Variants in PKHD1 observed in about 807,000 individuals in gnomAD.
PKHD1 encodes PKHD1 ciliary IPT domain containing fibrocystin/polyductin, also known as fibrocystin.
In PKHD1, 291 loss-of-function variants were observed where a neutral mutation model predicts 412.0. That is an observed-to-expected ratio of 0.71 (90% confidence interval 0.64 to 0.78). The LOEUF (loss-of-function observed/expected upper bound fraction) is 0.78. Among genes scored for constraint, PKHD1 ranks in the 30% least tolerant of loss-of-function variants. PKHD1 has a pLI of 0.00. For synonymous variants in PKHD1, 1,777 were observed against 1,821.5 expected (o/e 0.98, Z 0.62); for missense variants, 4,825 against 4,950.7 (o/e 0.97, Z 0.76).
At chr6:52,059,143 T>G (rs1808267619) in intron 15 of PKHD1, among the ~76,000 whole-genome samples, 1 of 152,110 alleles carries the variant, frequency 6.6e-6, no homozygotes, top group Non-Finnish European at 1.5e-5. Context: ...CACCCAAAAT[T>G]AGTGGAAAAG....
At chr6:51,834,517 T>G (rs1768843423) in intron 51 of PKHD1, among the ~76,000 whole-genome samples, 2 of 152,172 alleles carry the variant, frequency 1.3e-5, no homozygotes, top group African/African-American at 4.8e-5. Context: ...ATGGAATGAA[T>G]GAGTTAACAC....
chr6:51,965,565 C>A (rs771610843), intron 35 of PKHD1, among the ~76,000 whole-genome samples: 1 of 151,822 alleles, frequency 6.6e-6, no homozygotes, highest in African/African-American at 2.4e-5. Context: ...TAAGTGATCA[C>A]TTTCTTTTCT....
intron 61 of PKHD1, among the ~76,000 whole-genome samples, chr6:51,658,125 T>G (rs555241677): frequency 1.3e-5 from 2 of 152,094 alleles, no homozygotes; most frequent in African/African-American, 4.8e-5. Flanking sequence ...GTCACTAACA[T>G]GGTGAAGGTT....
intron 52 of PKHD1, among the ~76,000 whole-genome samples, chr6:51,808,218 G>A (rs770505254): frequency 4.6e-5 from 7 of 152,042 alleles, no homozygotes; most frequent in Non-Finnish European, 1.0e-4. Context: ...TATACAAAGG[G>A]AGTGAATAAA....
chr6:51,913,231 T>A (rs1476010809), intron 37 of PKHD1, among the ~76,000 whole-genome samples: 1 of 152,050 alleles, frequency 6.6e-6, no homozygotes, highest in Admixed American at 6.6e-5. Context: ...AAACAAAAAT[T>A]ATCTCTTAGA....
Position 51,980,949 on chromosome 6 carries a change from C to A in PKHD1, c.5752-20923G>T, listed in dbSNP as rs1795061477. On this transcript the variant is annotated intron_variant, in intron 35 of 66. Coordinates refer to ENST00000371117, the MANE Select transcript of PKHD1 (RefSeq NM_138694.4). ...ATGGTAGAATGTTTACAATTAACAG[C>A]CTTTAGTAGCATAGCAATATTTGTC... 2.6e-5 allele frequency among the ~76,000 whole-genome samples: 4 copies of A among 152,252 alleles called. No homozygotes were observed. The South Asian group carries it at 8.3e-4, about 32-fold the overall frequency.
intron 60 of PKHD1, among the ~76,000 whole-genome samples, chr6:51,727,872 A>C (rs1209120821): frequency 2.0e-5 from 3 of 152,172 alleles, no homozygotes; most frequent in Non-Finnish European, 4.4e-5. Context: ...GCAATGTGAT[A>C]ATTGCCAAAC....
At chr6:51,844,271 T>C (rs932826686) in intron 50 of PKHD1, among the ~76,000 whole-genome samples, 2 of 152,036 alleles carry the variant, frequency 1.3e-5, no homozygotes, top group Non-Finnish European at 2.9e-5. Context: ...CCAGGTAAAA[T>C]AACCAGCCAG....
Position 51,748,129 on chromosome 6 carries a change from T to A in PKHD1, c.9487A>T (p.Asn3163Tyr), listed in dbSNP as rs370327201. The change falls in exon 58 of 67, where the codon AAC becomes TAC. Residue 3163 changes from asparagine (N) to tyrosine (Y), a missense_variant. Coordinates refer to ENST00000371117, the MANE Select transcript of PKHD1 (RefSeq NM_138694.4). ...FDYGAMLHVE[N>Y]SVEIENITLV... ...GTAATGTTCTCTATCTCCACGCTGT[T>A]CTCTACATGTAACATGGCACCATAG... 8.7e-6 allele frequency: 14 copies of A among 1,613,926 alleles called. No homozygotes were observed. Among genetic ancestry groups the A allele is most frequent in the African/African-American group, 1.3e-5 (1 of 74,908 alleles).
At chr6:52,021,076 A>G (rs948640366) in intron 33 of PKHD1, among the ~76,000 whole-genome samples, 1 of 152,242 alleles carries the variant, frequency 6.6e-6, no homozygotes, top group African/African-American at 2.4e-5. Flanking sequence ...AAGTCTTTTA[A>G]AAGACTTTTT....
chr6:51,918,989 TG>T (rs1161136150), intron 37 of PKHD1, among the ~76,000 whole-genome samples: 2 of 152,244 alleles, frequency 1.3e-5, no homozygotes, highest in African/African-American at 4.8e-5. Context: ...TGTTTTTTCT[TG>T]TAAATTTGTC....
At chr6:51,627,143 T>C in intron 65 of PKHD1, 27 bp from the exon 66 acceptor site, 1 of 1,600,648 alleles carries the variant, frequency 6.2e-7, no homozygotes, top group Non-Finnish European at 8.5e-7. Flanking sequence ...GAAAAAGGAT[T>C]TTTTTGTTCA....
chr6:52,042,989 A>G lies in PKHD1; in HGVS notation c.2967T>C (p.Pro989=). The G allele has an allele frequency of 6.2e-7, 1 of 1,614,086 alleles. No homozygotes were observed. Among genetic ancestry groups the G allele is most frequent in the South Asian group, 1.1e-5 (1 of 91,076 alleles). The change falls in exon 27 of 67, where the codon CCT becomes CCC. Residue 989 remains proline (P), a synonymous_variant. Transcript: ENST00000371117. ...TNVVCQTDLL[P]VGMHRILMLV... is the part of the protein sequence containing the mutation. ...ACATCAAGATCCGATGCATTCCAAC[A>G]GGTAGCAAATCTGTCTGACAGACTA...
intron 55 of PKHD1, among the ~76,000 whole-genome samples, chr6:51,765,653 C>T (rs1289417112): frequency 6.6e-6 from 1 of 152,080 alleles, no homozygotes; most frequent in African/African-American, 2.4e-5. Flanking sequence ...ATCATATCAC[C>T]ATATTGACTT....
chr6:51,819,805 C>T (rs1426129101), intron 52 of PKHD1, among the ~76,000 whole-genome samples: 5 of 152,058 alleles, frequency 3.3e-5, no homozygotes, highest in South Asian at 2.1e-4. Flanking sequence ...TTTGGCTTTG[C>T]GAGGGGTTTT....
At chr6:51,742,401 T>C (rs1784663695) in intron 60 of PKHD1, among the ~76,000 whole-genome samples, 2 of 152,340 alleles carry the variant, frequency 1.3e-5, no homozygotes, top group Non-Finnish European at 2.9e-5. Context: ...TGAAATTTTA[T>C]GGTAATTAAA....
chr6:51,981,477 C>G (rs1484988256), intron 35 of PKHD1, among the ~76,000 whole-genome samples: 25 of 151,830 alleles, frequency 1.6e-4, no homozygotes, highest in Non-Finnish European at 2.4e-4. Context: ...TGCTACGCCT[C>G]ACTGGTTTTC....
At chr6:52,052,985 TCTC>T (rs1364072983) in intron 21 of PKHD1, 88 bp downstream of exon 21, 3 of 1,179,696 alleles carry the variant, frequency 2.5e-6, no homozygotes, top group Non-Finnish European at 3.8e-6. Flanking sequence ...TCACCTGTTC[TCTC>T]CTCATTAAAA....
rs781485593 is a variant in PKHD1 at position 52,082,465 on chromosome 6, G to T, written c.208C>A (p.Pro70Thr). 245 of 1,613,856 alleles carry T rather than the reference G, an allele frequency of 1.5e-4. 3 individuals carry two copies. The South Asian group carries it at 2.5e-3, about 17-fold the overall frequency. Reference sequence around the variant, plus strand: ...TCACAGGGAACACTCCGCAGTGCGGGCACCACCATGTTCACGTTCACCAGG... The same window carrying T: ...TCACAGGGAACACTCCGCAGTGCGGTCACCACCATGTTCACGTTCACCAGG... ...IHLVNVNMVV[P>T]ALRSVPCDVF... The change falls in exon 4 of 67, where the codon CCC (proline) becomes ACC (threonine). Residue 70 changes from proline (P) to threonine (T), a missense_variant. Pro to Thr is a conservative substitution (Grantham distance 38). Coordinates refer to ENST00000371117, the MANE Select transcript of PKHD1 (RefSeq NM_138694.4).
Sources: gnomAD v4.1 joint callset for allele counts (sites outside exome capture counted in the v4.1 genomes callset) on GRCh38, gnomAD v4.1.1 for gene constraint, MANE v1.5 for transcripts, NCBI Gene and HGNC (gene_info 2026-07-23, HGNC 2026-07-21) for gene names.